The following ASCC3 variants were observed in gnomAD, a reference collection of about 807,000 sequenced individuals.
ASCC3 encodes the protein ASC-1 complex subunit P200.
ASCC3 carries 158 observed loss-of-function variants against 256.3 expected under a neutral mutation model. That is an observed-to-expected ratio of 0.62 (90% CI 0.54 to 0.70). The LOEUF (loss-of-function observed/expected upper bound fraction) is 0.70. Ranked by LOEUF, ASCC3 falls within the 30% of genes least tolerant of loss-of-function variation. The pLI is 0.00. For synonymous variants in ASCC3, 948 were observed against 883.4 expected (o/e 1.07, Z -1.30); for missense variants, 2,259 against 2,626.0 (o/e 0.86, Z 3.05).
At chr6:100,591,954 T>C (rs1421676620) in intron 34 of ASCC3, among the ~76,000 whole-genome samples, 1 of 151,946 alleles carries the variant, frequency 6.6e-6, no homozygotes, top group Non-Finnish European at 1.5e-5. Context: ...ATATTTATCT[T>C]ATTTTATTTA....
chr6:100,524,843 T>C (rs1050249440), intron 37 of ASCC3, among the ~76,000 whole-genome samples: 5 of 152,048 alleles, frequency 3.3e-5, no homozygotes, highest in Non-Finnish European at 7.4e-5. Context: ...CCCATATCTC[T>C]TGTCATCATC....
At chr6:100,834,145 T>C (rs1206497485) in intron 4 of ASCC3, among the ~76,000 whole-genome samples, 1 of 152,142 alleles carries the variant, frequency 6.6e-6, no homozygotes, top group African/African-American at 2.4e-5. Flanking sequence ...GAATAAGTAA[T>C]AAAAGGAGGG....
chr6:100,642,748 A>G lies in ASCC3; in HGVS notation c.3734T>C (p.Val1245Ala). 6.2e-7 allele frequency: 1 copy of G among 1,611,760 alleles called. No homozygotes were observed. The highest frequency in any genetic ancestry group is 8.5e-7 in the Non-Finnish European group (1 of 1,177,974). Residue 1245 changes from valine (V) to alanine (A), a missense_variant and splice_region_variant, in exon 24 of 42, where the codon GTC becomes GCC. By Grantham distance (64) the Val-to-Ala change is moderately conservative. Transcript: ENST00000369162. ...SEYFLALKKQ[V>A]ISKEAQLLVF... is the part of the protein sequence containing the mutation. ...CAGTAGTTGGGCTTCTTTACTAATG[A>G]CCTAATATGAAATACAGTCAAAAAT...
intron 37 of ASCC3, among the ~76,000 whole-genome samples, chr6:100,537,801 A>G (rs1411357516): frequency 2.0e-5 from 3 of 151,690 alleles, no homozygotes; most frequent in African/African-American, 7.3e-5. Flanking sequence ...ATTAAAGAGA[A>G]AACGATTTCT....
chr6:100,618,464 C>A (rs1434604150), intron 30 of ASCC3, among the ~76,000 whole-genome samples: 3 of 152,190 alleles, frequency 2.0e-5, no homozygotes, highest in Non-Finnish European at 4.4e-5. Context: ...TGGTAATGAT[C>A]AAATGGGCAA....
At chr6:100,588,483 T>C (rs894245336) in intron 36 of ASCC3, among the ~76,000 whole-genome samples, 1 of 152,138 alleles carries the variant, frequency 6.6e-6, no homozygotes, top group Non-Finnish European at 1.5e-5. Context: ...CTTAAGGATC[T>C]AAAAAATTCT....
intron 4 of ASCC3, among the ~76,000 whole-genome samples, chr6:100,812,981 GATGAAGAAAAAA>G (rs1362373878): frequency 6.6e-6 from 1 of 151,638 alleles, no homozygotes; most frequent in African/African-American, 2.4e-5. Flanking sequence ...AAGACAGATA[GATGAAGAAAAAA>G]ATGAAGAAAA....
chr6:100,833,945 G>A (rs950929375), intron 4 of ASCC3, among the ~76,000 whole-genome samples: 46 of 152,140 alleles, frequency 3.0e-4, no homozygotes, highest in African/African-American at 1.1e-3. Context: ...AGGCGTGGTG[G>A]TGCGTGCCTG....
chr6:100,568,203 AC>A (rs1770371184), intron 36 of ASCC3, among the ~76,000 whole-genome samples: 1 of 152,022 alleles, frequency 6.6e-6, no homozygotes, highest in South Asian at 2.1e-4. Context: ...CCCCATCTCA[AC>A]TAAAACTATA....
chr6:100,606,227 A>G (rs1772879794), intron 32 of ASCC3, among the ~76,000 whole-genome samples: 1 of 152,108 alleles, frequency 6.6e-6, no homozygotes, highest in East Asian at 1.9e-4. Flanking sequence ...GTATTCATTT[A>G]GTGGAAATAT....
At chr6:100,606,613 A>T in intron 32 of ASCC3, 127 bp downstream of exon 32, 1 of 1,050,522 alleles carries the variant, frequency 9.5e-7, no homozygotes, top group South Asian at 1.9e-5. Flanking sequence ...ATAATTGCTT[A>T]TCATCTGTTT....
At position 100,866,216 on chromosome 6, in the gene ASCC3, C is replaced by T. The variant is rs577749156; in HGVS notation, c.90+1692G>A. Among the ~76,000 whole-genome samples, 7 of 152,240 alleles carry T rather than the reference C, an allele frequency of 4.6e-5. No homozygotes were observed. In the East Asian group the frequency reaches 5.8e-4, roughly 13 times the overall value. On this transcript the variant is annotated intron_variant, in intron 2 of 41. Transcript: ENST00000369162. ...AAGTCATGACCTCAAGTGATCCACC[C>T]GCCTAGGCCTTCCAAAGTGCTGGGA... is the stretch of plus-strand genomic sequence containing the variant.
Position 100,517,974 on chromosome 6 carries a change from A to G in ASCC3, c.5927+17T>C. On this transcript the variant is annotated intron_variant, in intron 38 of 41. Coordinates refer to ENST00000369162, the MANE Select transcript of ASCC3 (RefSeq NM_006828.4). The stretch of plus-strand genomic sequence containing the variant: ...AAATCAAAACAAAACAATTACATTG[A>G]AAAGTAAAACAATTACTTGAAAAGG... The G allele has an allele frequency of 1.2e-6, 2 of 1,611,126 alleles. No homozygotes were observed. The highest frequency in any genetic ancestry group is 8.5e-7 in the Non-Finnish European group (1 of 1,177,702).
intron 36 of ASCC3, among the ~76,000 whole-genome samples, chr6:100,565,452 G>C (rs1770186504): frequency 6.6e-6 from 1 of 151,904 alleles, no homozygotes; most frequent in Non-Finnish European, 1.5e-5. Context: ...ATTACTAAGT[G>C]GCTTTTTAAA....
At chr6:100,684,378 CTTGTTAAAAACACAGA>C (rs1159382769) in intron 13 of ASCC3, among the ~76,000 whole-genome samples, 11 of 152,102 alleles carry the variant, frequency 7.2e-5, no homozygotes, top group Non-Finnish European at 1.5e-4. Context: ...ACCTGGCAGG[CTTGTTAAAAACACAGA>C]TTGCTGCTGT....
intron 17 of ASCC3, 101 bp downstream of exon 17, chr6:100,655,598 T>C: frequency 7.2e-7 from 1 of 1,388,588 alleles, no homozygotes; most frequent in Non-Finnish European, 1.0e-6. Flanking sequence ...TAGGTACCTC[T>C]TTTCAGATGA....
At chr6:100,608,279 T>C (rs1258524069) in intron 30 of ASCC3, among the ~76,000 whole-genome samples, 1 of 64,714 alleles carries the variant, frequency 1.5e-5, no homozygotes, top group African/African-American at 6.5e-5. Flanking sequence ...ATATATACTT[T>C]ATATATACTT....
At chr6:100,574,717 A>T (rs1032863631) in intron 36 of ASCC3, among the ~76,000 whole-genome samples, 1 of 151,982 alleles carries the variant, frequency 6.6e-6, no homozygotes, top group East Asian at 1.9e-4. Context: ...AATTTAAAAC[A>T]GGACAAATTC....
At chr6:100,725,804 T>C (rs1405529838) in intron 10 of ASCC3, 101 bp from the exon 11 acceptor site, 6 of 1,222,742 alleles carry the variant, frequency 4.9e-6, no homozygotes, top group African/African-American at 1.5e-5. Flanking sequence ...TCTACATAAA[T>C]CAAATAAAAA....
Sources: allele counts gnomAD v4.1 joint callset (sites outside exome capture counted in the v4.1 genomes callset), GRCh38; gene constraint gnomAD v4.1.1; transcripts MANE v1.5; gene names NCBI Gene and HGNC (gene_info 2026-07-23, HGNC 2026-07-21).